The following MAGI1 variants were observed in gnomAD, a reference collection of about 807,000 sequenced individuals.
The protein encoded by MAGI1 is membrane-associated guanylate kinase, WW and PDZ domain-containing protein 1.
Under a neutral mutation model 139.9 loss-of-function variants are expected in MAGI1, and 58 were observed. That is an observed-to-expected ratio of 0.41 (90% CI 0.34 to 0.52). MAGI1 has a LOEUF of 0.52. MAGI1 is among the 20% of genes least tolerant of loss of function. MAGI1 has a pLI of 0.12. For missense variants in MAGI1, 1,874 were observed against 1,901.6 expected (o/e 0.99, Z 0.27); for synonymous variants, 812 against 737.9 (o/e 1.10, Z -1.63).
chr3:65,848,106 C>A (rs1358373921), intron 1 of MAGI1, among the ~76,000 whole-genome samples: 1 of 152,172 alleles, frequency 6.6e-6, no homozygotes, highest in Non-Finnish European at 1.5e-5. Flanking sequence ...ACAGGAAATT[C>A]ATTTCCCCAA....
At chr3:65,916,244 T>C (rs1291207787) in intron 1 of MAGI1, among the ~76,000 whole-genome samples, 5 of 152,064 alleles carry the variant, frequency 3.3e-5, no homozygotes, top group African/African-American at 1.2e-4. Context: ...TTTTTTTGTA[T>C]TTTTAGTAGA....
At position 65,581,029 on chromosome 3, in the gene MAGI1, C is replaced by T. The variant is rs562559341; in HGVS notation, c.430+40943G>A. Among the ~76,000 whole-genome samples, 24 of 152,248 alleles carry T rather than the reference C, an allele frequency of 1.6e-4. 2 individuals are homozygous for T. The highest frequency in any genetic ancestry group is 5.1e-4 in the African/African-American group (21 of 41,548). ...CAAAAGTCAGGATATTAATATCATC[C>T]TTTTCTCCTGTCTTATTCTCATACC... is the stretch of plus-strand genomic sequence containing the variant. On this transcript the variant is annotated intron_variant, in intron 2 of 22. Coordinates refer to ENST00000402939, the MANE Select transcript of MAGI1 (RefSeq NM_001033057.2).
chr3:65,932,181 TGTA>T (rs927473636), intron 1 of MAGI1, among the ~76,000 whole-genome samples: 13 of 152,200 alleles, frequency 8.5e-5, no homozygotes, highest in African/African-American at 2.9e-4. Flanking sequence ...TGATACGACT[TGTA>T]GATTATTTTC....
chr3:65,700,046 T>C (rs1200597438), intron 1 of MAGI1, among the ~76,000 whole-genome samples: 1 of 152,020 alleles, frequency 6.6e-6, no homozygotes, highest in Non-Finnish European at 1.5e-5. Flanking sequence ...AAGAAAAATG[T>C]GAGATTTTAG....
At chr3:65,508,123 G>A (rs955149003) in intron 2 of MAGI1, among the ~76,000 whole-genome samples, 2 of 152,168 alleles carry the variant, frequency 1.3e-5, no homozygotes, top group African/African-American at 2.4e-5. Context: ...AATAAAATCG[G>A]CCGGGCGCGG....
chr3:65,979,583 G>A (rs1473773701), intron 1 of MAGI1, among the ~76,000 whole-genome samples: 1 of 152,172 alleles, frequency 6.6e-6, no homozygotes, highest in East Asian at 1.9e-4. Context: ...GAACCTTGAA[G>A]TACCCAAAGA....
chr3:65,462,316 C>T (rs1949854274), intron 5 of MAGI1, among the ~76,000 whole-genome samples: 2 of 152,036 alleles, frequency 1.3e-5, no homozygotes, highest in Non-Finnish European at 2.9e-5. Flanking sequence ...GTAAGAGATC[C>T]AGTTTCAGTT....
At chr3:65,829,882 C>T (rs2042433731) in intron 1 of MAGI1, among the ~76,000 whole-genome samples, 1 of 152,152 alleles carries the variant, frequency 6.6e-6, no homozygotes, top group South Asian at 2.1e-4. Flanking sequence ...AAAACTATGG[C>T]ATGGATCCCT....
chr3:65,435,604 A>C (rs999629385), intron 10 of MAGI1, among the ~76,000 whole-genome samples: 13 of 152,158 alleles, frequency 8.5e-5, no homozygotes, highest in African/African-American at 2.7e-4. Flanking sequence ...AAAAAACAAA[A>C]AACAGAGAAT....
At position 66,013,486 on chromosome 3, in the gene MAGI1, A is replaced by G. The variant is rs901004235; in HGVS notation, c.313+24510T>C. Among the ~76,000 whole-genome samples, 3 of 147,518 alleles carry G rather than the reference A, an allele frequency of 2.0e-5. No homozygotes were observed. In the Admixed American group the frequency reaches 2.0e-4, roughly 10 times the overall value. On this transcript the variant is annotated intron_variant, in intron 1 of 22. Coordinates refer to ENST00000402939, the MANE Select transcript of MAGI1 (RefSeq NM_001033057.2). ...AATTAAAGAAAAAGATAGAGGCCAG[A>G]CTCGGTGGCTCAAGCCTGTAATCCC...
At chr3:65,701,908 G>T (rs2089640457) in intron 1 of MAGI1, among the ~76,000 whole-genome samples, 1 of 152,178 alleles carries the variant, frequency 6.6e-6, no homozygotes, top group South Asian at 2.1e-4. Flanking sequence ...CATTTTCTGA[G>T]AACAGATTTT....
intron 1 of MAGI1, among the ~76,000 whole-genome samples, chr3:65,955,616 T>C (rs1216241644): frequency 6.6e-6 from 1 of 152,136 alleles, no homozygotes; most frequent in Non-Finnish European, 1.5e-5. Context: ...CAAAACCATA[T>C]AACATTTTTG....
At chr3:65,553,794 T>C (rs2079964068) in intron 2 of MAGI1, among the ~76,000 whole-genome samples, 1 of 152,224 alleles carries the variant, frequency 6.6e-6, no homozygotes, top group East Asian at 1.9e-4. Flanking sequence ...CTGCAGTCTG[T>C]CTGTCCTGAG....
intron 1 of MAGI1, among the ~76,000 whole-genome samples, chr3:65,668,805 A>G (rs12638072): frequency 0.63 from 95,094 of 150,522 alleles, 31,749 homozygotes; most frequent in East Asian, 0.98. Context: ...ACCTGCCTCG[A>G]CCTCCCAAAG....
chr3:65,740,401 G>A (rs1299998796), intron 1 of MAGI1, among the ~76,000 whole-genome samples: 3 of 152,130 alleles, frequency 2.0e-5, no homozygotes, highest in African/African-American at 7.2e-5. Flanking sequence ...AATTGTTAAT[G>A]AGCTTGCAAA....
intron 2 of MAGI1, among the ~76,000 whole-genome samples, chr3:65,590,128 T>C (rs2081902591): frequency 1.3e-5 from 2 of 152,130 alleles, no homozygotes; most frequent in East Asian, 1.9e-4. Flanking sequence ...TCTCCTCTAC[T>C]ATGAAATCTT....
chr3:65,680,174 T>C (rs181425061), intron 1 of MAGI1, among the ~76,000 whole-genome samples: 42 of 152,296 alleles, frequency 2.8e-4, no homozygotes, highest in Admixed American at 2.2e-3. Context: ...CATTAGGTAG[T>C]ATGGGTCTAG....
chr3:65,631,760 C>A (rs1397894114), intron 1 of MAGI1, among the ~76,000 whole-genome samples: 1 of 151,980 alleles, frequency 6.6e-6, no homozygotes, highest in Non-Finnish European at 1.5e-5. Flanking sequence ...ATGCCTGTAA[C>A]CCCAGCACTT....
At chr3:65,549,560 G>A in intron 2 of MAGI1, 1 of 829,172 alleles carries the variant, frequency 1.2e-6, no homozygotes, top group South Asian at 5.5e-5. Flanking sequence ...CTCGGCCAGG[G>A]TGTCCCCAGC....
Sources: gnomAD v4.1 joint callset for allele counts (sites outside exome capture counted in the v4.1 genomes callset) on GRCh38, gnomAD v4.1.1 for gene constraint, MANE v1.5 for transcripts, NCBI Gene and HGNC (gene_info 2026-07-23, HGNC 2026-07-21) for gene names.